MYPN: variants seen among roughly 807,000 people sequenced by gnomAD.
The protein encoded by MYPN is sarcomeric protein myopalladin, 145 kDa (MYOP).
MYPN carries 63 observed loss-of-function variants against 129.4 expected under a neutral mutation model. That is an observed-to-expected ratio of 0.49 (90% CI 0.40 to 0.60). MYPN has a LOEUF of 0.60. MYPN is among the 20% of genes least tolerant of loss of function. The pLI is 0.00. For missense variants in MYPN, 1,596 were observed against 1,635.4 expected, an observed-to-expected ratio of 0.98 and a Z score of 0.42; for synonymous variants, 629 against 600.9, an observed-to-expected ratio of 1.05 and a Z score of -0.68.
chr10:68,139,124 C>T (rs530687239), intron 2 of MYPN, among the ~76,000 whole-genome samples: 1 of 152,176 alleles, frequency 6.6e-6, no homozygotes, highest in Non-Finnish European at 1.5e-5. Flanking sequence ...CAGTCTGCAA[C>T]TCAGCCTTCA....
intron 16 of MYPN, among the ~76,000 whole-genome samples, chr10:68,198,454 G>A (rs552695624): frequency 3.3e-5 from 5 of 152,192 alleles, no homozygotes; most frequent in Admixed American, 2.6e-4. Context: ...GCCCATAGAT[G>A]CAGAATGCTA....
chr10:68,130,856 A>G (rs1424556932), intron 2 of MYPN, among the ~76,000 whole-genome samples: 1 of 152,210 alleles, frequency 6.6e-6, no homozygotes, highest in Non-Finnish European at 1.5e-5. Flanking sequence ...TTGGATAGCC[A>G]ATATTCTAGC....
At chr10:68,157,670 CAAAAAAAA>C (rs71009010) in intron 6 of MYPN, among the ~76,000 whole-genome samples, 2 of 84,888 alleles carry the variant, frequency 2.4e-5, no homozygotes, top group Non-Finnish European at 4.5e-5. Context: ...CCTGTCTCTA[CAAAAAAAA>C]AAAAAAAAAA....
At chr10:68,158,763 G>T in intron 7 of MYPN, 136 bp downstream of exon 7, 1 of 651,892 alleles carries the variant, frequency 1.5e-6, no homozygotes. Context: ...TCATACTCCT[G>T]TTAATATTTC....
upstream of MYPN, among the ~76,000 whole-genome samples, chr10:68,108,901 A>G (rs2042044411): frequency 6.6e-6 from 1 of 152,060 alleles, no homozygotes. Context: ...TTGTATATTT[A>G]GTGGAGACGG....
intron 6 of MYPN, among the ~76,000 whole-genome samples, chr10:68,151,583 C>A (rs2134104159): frequency 6.6e-6 from 1 of 152,238 alleles, no homozygotes; most frequent in South Asian, 2.1e-4. Flanking sequence ...AGTCATCTAA[C>A]CTTAAAACAG....
intron 12 of MYPN, among the ~76,000 whole-genome samples, chr10:68,184,798 C>T (rs928469728): frequency 2.0e-5 from 3 of 152,086 alleles, no homozygotes; most frequent in African/African-American, 7.2e-5. Flanking sequence ...ACTTTCGGTG[C>T]CTGTGCCCTG....
In MYPN at chr10:68,197,353, G is replaced by A. The variant is rs900098416; in HGVS notation, c.3160G>A (p.Gly1054Arg). 32 of 1,613,096 alleles carry A rather than the reference G, an allele frequency of 2.0e-5. No individual in the cohort carries two copies. The highest frequency in any genetic ancestry group is 2.6e-5 in the Non-Finnish European group (31 of 1,179,538). Residue 1054 changes from glycine to arginine, a missense_variant and splice_region_variant, in exon 16 of 20, where the codon GGA (glycine) becomes AGA (arginine). By Grantham distance (125) the Gly-to-Arg change is moderately radical. Coordinates refer to ENST00000358913, the MANE Select transcript of MYPN (RefSeq NM_032578.4). Reference protein sequence around the residue: ...RLTSAGQSHRGRSRVQERDKE... With the variant: ...RLTSAGQSHRRRSRVQERDKE... ...ATCTGAACATGCTTGTTGTTATAGG[G>A]GAAGATCCCGAGTGCAAGAAAGAGA...
At chr10:68,124,874 C>T in intron 2 of MYPN, among the ~76,000 whole-genome samples, 1 of 152,184 alleles carries the variant, frequency 6.6e-6, no homozygotes, top group East Asian at 1.9e-4. Context: ...ATGATACTCC[C>T]TGGGACTCTG....
rs1589553385 is a variant in MYPN, at chr10:68,145,627, C to A, written c.1130+101C>A. On this transcript the variant is annotated intron_variant, in intron 4 of 19. Coordinates refer to ENST00000358913, the MANE Select transcript of MYPN (RefSeq NM_032578.4). Reference sequence around the variant, plus strand: ...TACTAGAACTTAAGAAGGGTGGCTCCAGGGTTTGACCACAAAAATAAATAA... The same window carrying A: ...TACTAGAACTTAAGAAGGGTGGCTCAAGGGTTTGACCACAAAAATAAATAA... The A allele has an allele frequency of 8.6e-6, 8 of 927,920 alleles. No individual in the cohort carries two copies. In the East Asian group the frequency reaches 2.0e-4, roughly 23 times the overall value. 57.5% of individuals were successfully genotyped at this position (927,920 alleles called of 1,614,324 possible).
chr10:68,131,816 C>T (rs1455477958), intron 2 of MYPN, among the ~76,000 whole-genome samples: 1 of 152,110 alleles, frequency 6.6e-6, no homozygotes, highest in African/African-American at 2.4e-5. Context: ...TTATTAATGG[C>T]ATCATTGTTA....
chr10:68,136,625 T>A, intron 2 of MYPN: 1 of 1,528,368 alleles, frequency 6.5e-7, no homozygotes, highest in South Asian at 1.2e-5. Context: ...CCTGGCCATC[T>A]GAGTAAGGAC....
intron 2 of MYPN, among the ~76,000 whole-genome samples, chr10:68,125,392 G>T (rs1299126641): frequency 6.6e-6 from 1 of 152,176 alleles, no homozygotes; most frequent in Non-Finnish European, 1.5e-5. Context: ...GAATGAGTTA[G>T]TACTTAATTT....
chr10:68,192,616 A>C (rs940937212), intron 13 of MYPN, among the ~76,000 whole-genome samples: 4 of 152,164 alleles, frequency 2.6e-5, no homozygotes, highest in Non-Finnish European at 5.9e-5. Context: ...GTTTGGTAGA[A>C]TTCAACAGTG....
intron 6 of MYPN, among the ~76,000 whole-genome samples, chr10:68,157,289 T>C (rs960523114): frequency 6.6e-6 from 1 of 152,176 alleles, no homozygotes; most frequent in African/African-American, 2.4e-5. Flanking sequence ...GCCTATCCTG[T>C]AAAGACCACA....
In MYPN at chr10:68,163,253, C is replaced by A. The variant is rs566624781; in HGVS notation, c.1483+1501C>A. ...GAGGTTGCAGTGAGCCAAGATTATG[C>A]CTCTACACTCCAGCCTGGGCAACAG... On this transcript the variant is annotated intron_variant, in intron 8 of 19. Transcript: ENST00000358913. Among the ~76,000 whole-genome samples, 8 of 152,078 alleles carry A rather than the reference C, an allele frequency of 5.3e-5. No homozygotes were observed. In the South Asian group the frequency reaches 1.7e-3, roughly 32 times the overall value.
Position 68,194,486 on chromosome 10 carries a change from T to TACACCATCATGGCAGCC in MYPN, c.3051_3067dup (p.Asn1023ThrfsTer18). ...CACTACCAGTGATGACGATGGCAAC[T>TACACCATCATGGCAGCC]ACACCATCATGGCAGCCAACCCCCA... On this transcript the variant is annotated frameshift_variant, in exon 14 of 20. Coordinates refer to ENST00000358913, the MANE Select transcript of MYPN (RefSeq NM_032578.4). LOFTEE classifies it high-confidence loss of function. 1 of 1,613,854 alleles carries TACACCATCATGGCAGCC rather than the reference T, an allele frequency of 6.2e-7. No homozygotes were observed. The highest frequency in any genetic ancestry group is 8.5e-7 in the Non-Finnish European group (1 of 1,179,866).
chr10:68,143,701 G>T (rs558389629), intron 3 of MYPN, among the ~76,000 whole-genome samples: 10 of 152,214 alleles, frequency 6.6e-5, no homozygotes, highest in African/African-American at 2.4e-4. Context: ...AAGTTCTGGA[G>T]CATTCTGAGC....
At chr10:68,210,265 A>C (rs373247166) in intron 19 of MYPN, 21 bp from the exon 20 acceptor site, 1 of 1,612,414 alleles carries the variant, frequency 6.2e-7, no homozygotes, top group African/African-American at 1.3e-5. Context: ...ATCATAACAC[A>C]TTATTTGGTC....
Sources: gnomAD v4.1 joint callset for allele counts (sites outside exome capture counted in the v4.1 genomes callset) on GRCh38, gnomAD v4.1.1 for gene constraint, MANE v1.5 for transcripts, NCBI Gene and HGNC (gene_info 2026-07-23, HGNC 2026-07-21) for gene names.